The following FBXL20 variants were observed in gnomAD, a reference collection of about 807,000 sequenced individuals.
The protein encoded by FBXL20 is F-box/LRR-repeat protein 20.
In FBXL20, 11 loss-of-function variants were observed where a neutral mutation model predicts 64.0. The observed-to-expected ratio is 0.17, with a 90% CI of 0.11 to 0.28. The LOEUF (loss-of-function observed/expected upper bound fraction) is 0.28. Ranked by LOEUF, FBXL20 falls within the 10% of genes least tolerant of loss-of-function variation. The probability of loss-of-function intolerance (pLI) is 1.00; values close to 1 mark genes in which losing one functional copy is unlikely to be tolerated. For synonymous variants in FBXL20, 184 were observed against 189.0 expected (o/e 0.97, Z 0.22); for missense variants, 303 against 526.2 (o/e 0.58, Z 4.15).
In FBXL20 at chr17:39,359,605, G is replaced by GA. The variant is rs558027857; in HGVS notation, c.43-16365dup. 4.4e-3 allele frequency among the ~76,000 whole-genome samples: 637 copies of GA among 143,794 alleles called. 2 individuals carry two copies. The Middle Eastern group carries it at 0.049, about 11-fold the overall frequency. 94.3% of individuals were successfully genotyped at this position (143,794 alleles called of 152,430 possible). Reference sequence around the variant, plus strand: ...GCAACAAGAGTGAGACTCCATCTTGGAAAAAAAAAAAACCCAGAAAGTAAC... The same window carrying GA: ...GCAACAAGAGTGAGACTCCATCTTGGAAAAAAAAAAAAACCCAGAAAGTAAC... On this transcript the variant is annotated intron_variant, in intron 1 of 14. Transcript: ENST00000264658.
chr17:39,288,760 G>A (rs965904753), intron 6 of FBXL20, among the ~76,000 whole-genome samples: 2 of 151,862 alleles, frequency 1.3e-5, no homozygotes, highest in African/African-American at 4.8e-5. Context: ...CCAGGCTGGA[G>A]TGCAGTGGCG....
chr17:39,398,573 C>A (rs8076843), intron 1 of FBXL20, among the ~76,000 whole-genome samples: 1 of 152,186 alleles, frequency 6.6e-6, no homozygotes, highest in Admixed American at 6.5e-5. Context: ...ATTTTCACAT[C>A]TCTTGATCTC....
chr17:39,354,409 A>G (rs1298351599), intron 1 of FBXL20, among the ~76,000 whole-genome samples: 2 of 152,138 alleles, frequency 1.3e-5, no homozygotes, highest in Non-Finnish European at 2.9e-5. Flanking sequence ...GTCCTTCTCA[A>G]TCTCGTTAAC....
At chr17:39,292,987 T>A (rs2047053930) in intron 6 of FBXL20, among the ~76,000 whole-genome samples, 1 of 152,014 alleles carries the variant, frequency 6.6e-6, no homozygotes. Flanking sequence ...GAGACGGGGT[T>A]TCACCATGCT....
intron 13 of FBXL20, 116 bp from the exon 14 acceptor site, chr17:39,264,503 T>G: frequency 9.4e-7 from 1 of 1,066,350 alleles, no homozygotes; most frequent in East Asian, 2.6e-5. Flanking sequence ...AATATGGAGC[T>G]GGCACTAGAT....
intron 9 of FBXL20, among the ~76,000 whole-genome samples, chr17:39,276,788 A>G (rs2046900332): frequency 6.6e-6 from 1 of 152,124 alleles, no homozygotes; most frequent in Admixed American, 6.5e-5. Context: ...CCTCACATCA[A>G]AGATGTTATA....
chr17:39,356,457 G>A (rs1192507626), intron 1 of FBXL20, among the ~76,000 whole-genome samples: 2 of 152,092 alleles, frequency 1.3e-5, no homozygotes, highest in Non-Finnish European at 2.9e-5. Flanking sequence ...TTGGGCTCAA[G>A]TGATCATCCC....
intron 1 of FBXL20, among the ~76,000 whole-genome samples, chr17:39,398,046 G>GGC (rs2048202679): frequency 3.4e-5 from 1 of 29,432 alleles, no homozygotes; most frequent in Non-Finnish European, 7.4e-5. Flanking sequence ...CGGGCGGGGG[G>GGC]GGGGGGGGGG....
intron 1 of FBXL20, among the ~76,000 whole-genome samples, chr17:39,381,817 C>T (rs1390250281): frequency 6.7e-6 from 1 of 150,132 alleles, no homozygotes; most frequent in African/African-American, 2.4e-5. Flanking sequence ...AAAAAAAAGG[C>T]CGGGCACAGT....
intron 1 of FBXL20, among the ~76,000 whole-genome samples, chr17:39,345,197 T>TA (rs2047620978): frequency 6.6e-6 from 1 of 151,982 alleles, no homozygotes; most frequent in Non-Finnish European, 1.5e-5. Flanking sequence ...GACAATGGGA[T>TA]AAAAAAAGAC....
chr17:39,340,588 AG>A (rs947940176), intron 2 of FBXL20, among the ~76,000 whole-genome samples: 1 of 152,206 alleles, frequency 6.6e-6, no homozygotes, highest in African/African-American at 2.4e-5. Flanking sequence ...TTGAGATGTA[AG>A]ATGTTAATAT....
intron 1 of FBXL20, among the ~76,000 whole-genome samples, chr17:39,387,119 T>C (rs1456882550): frequency 6.6e-6 from 1 of 152,190 alleles, no homozygotes; most frequent in Non-Finnish European, 1.5e-5. Context: ...GTTTTCACTT[T>C]CAGTAGTCAT....
chr17:39,307,270 A>G (rs1420848775), intron 2 of FBXL20, among the ~76,000 whole-genome samples: 2 of 149,006 alleles, frequency 1.3e-5, no homozygotes, highest in African/African-American at 5.1e-5. Context: ...AATATATGAG[A>G]AAATTTCAAT....
In FBXL20 at chr17:39,337,515, G is replaced by A. The variant is rs576509098; in HGVS notation, c.104+5665C>T. 9.5e-3 allele frequency among the ~76,000 whole-genome samples: 1,443 copies of A among 151,576 alleles called. 16 individuals carry two copies. The highest frequency in any genetic ancestry group is 0.033 in the African/African-American group (1,367 of 41,236). On this transcript the variant is annotated intron_variant, in intron 2 of 14. Transcript: ENST00000264658. ...TGGAAAGTGAGGAGCGTCTCTGCCC[G>A]GCCGCCCATCGTCTGAGATGTGGGG...
At chr17:39,334,000 G>A (rs940854204) in intron 2 of FBXL20, among the ~76,000 whole-genome samples, 2 of 152,198 alleles carry the variant, frequency 1.3e-5, no homozygotes, top group African/African-American at 2.4e-5. Context: ...AACGGGCCAC[G>A]ATGACGATGG....
chr17:39,324,018 C>T (rs1425206267), intron 2 of FBXL20, among the ~76,000 whole-genome samples: 2 of 137,326 alleles, frequency 1.5e-5, no homozygotes, highest in East Asian at 2.3e-4. Flanking sequence ...ACCCCCTCCC[C>T]CCCCCACCCC....
At chr17:39,298,796 G>GT (rs1191981215) in intron 5 of FBXL20, among the ~76,000 whole-genome samples, 194 bp downstream of exon 5, 2 of 151,968 alleles carry the variant, frequency 1.3e-5, no homozygotes, top group Admixed American at 1.3e-4. Flanking sequence ...GGGAATCTGG[G>GT]TTTTTTTCAG....
At chr17:39,324,571 A>G (rs1025886492) in intron 2 of FBXL20, among the ~76,000 whole-genome samples, 8 of 152,214 alleles carry the variant, frequency 5.3e-5, no homozygotes, top group Non-Finnish European at 5.9e-5. Flanking sequence ...GGCGTGAGCA[A>G]TGGCGCCTGG....
intron 1 of FBXL20, among the ~76,000 whole-genome samples, chr17:39,358,987 A>G (rs1051451887): frequency 6.6e-6 from 1 of 152,198 alleles, no homozygotes; most frequent in Non-Finnish European, 1.5e-5. Flanking sequence ...AGAAAAATGC[A>G]AATCAAAACC....
Sources: gnomAD v4.1 joint callset for allele counts (sites outside exome capture counted in the v4.1 genomes callset) on GRCh38, gnomAD v4.1.1 for gene constraint, MANE v1.5 for transcripts, NCBI Gene and HGNC (gene_info 2026-07-23, HGNC 2026-07-21) for gene names.